Variants in GPC6 observed in about 807,000 individuals in gnomAD.
The protein encoded by GPC6 is glypican 6.
A neutral mutation model predicts 55.2 loss-of-function variants in GPC6; 14 were observed. The observed-to-expected ratio is 0.25, with a 90% CI of 0.17 to 0.40. The LOEUF (loss-of-function observed/expected upper bound fraction) is 0.40, where lower values mean the gene tolerates loss of function less well. Among genes scored for constraint, GPC6 ranks in the 10% least tolerant of loss-of-function variants. GPC6 has a pLI of 1.00. For missense variants in GPC6, 641 were observed against 708.5 expected (o/e 0.90, Z 1.08); for synonymous variants, 278 against 259.6 (o/e 1.07, Z -0.68).
At chr13:93,896,447 T>C (rs549883724) in intron 3 of GPC6, among the ~76,000 whole-genome samples, 3 of 152,062 alleles carry the variant, frequency 2.0e-5, no homozygotes, top group Non-Finnish European at 4.4e-5. Flanking sequence ...TCTGGCTAGT[T>C]TGTAAAATCA....
rs115583699 is a variant in GPC6 at position 94,337,027 on chromosome 13, T to C, written c.1152+30904T>C. ...TAAATGTCTACCACTAGAAAGGAGA[T>C]ACCACAAGGAGGAAAGAATTTTTAC... On this transcript the variant is annotated intron_variant, in intron 6 of 8. Transcript: ENST00000377047. Among the ~76,000 whole-genome samples the C allele has an allele frequency of 5.5e-3, 831 of 152,316 alleles. 16 individuals carry two copies. Among genetic ancestry groups the C allele is most frequent in the African/African-American group, 0.019 (784 of 41,580 alleles).
chr13:93,593,335 A>G (rs940381982), intron 2 of GPC6, among the ~76,000 whole-genome samples: 15 of 152,146 alleles, frequency 9.9e-5, no homozygotes, highest in African/African-American at 3.6e-4. Flanking sequence ...TACACAGCAG[A>G]TATTTGTGGA....
chr13:94,177,611 T>A (rs61964466), intron 4 of GPC6, among the ~76,000 whole-genome samples: 13,203 of 152,214 alleles, frequency 0.087, 712 homozygotes, highest in South Asian at 0.12. Flanking sequence ...ATAATAGGCA[T>A]GGTGATGCCT....
At chr13:93,552,444 TC>T (rs1875210666) in intron 2 of GPC6, among the ~76,000 whole-genome samples, 2 of 100,906 alleles carry the variant, frequency 2.0e-5, no homozygotes, top group African/African-American at 9.7e-5. Flanking sequence ...CCTTCTCTCC[TC>T]CTCCTCCTCC....
At chr13:93,760,143 G>A (rs1294645441) in intron 2 of GPC6, among the ~76,000 whole-genome samples, 4 of 152,062 alleles carry the variant, frequency 2.6e-5, no homozygotes, top group African/African-American at 9.7e-5. Context: ...CTAAGAAATA[G>A]GTGGTACTGT....
intron 4 of GPC6, among the ~76,000 whole-genome samples, chr13:94,028,165 C>T (rs566947592): frequency 2.8e-4 from 42 of 151,758 alleles, no homozygotes; most frequent in African/African-American, 2.7e-4. Flanking sequence ...TTTAGGAGAC[C>T]GAGGTGAGAG....
intron 1 of GPC6, among the ~76,000 whole-genome samples, chr13:93,375,383 A>G (rs941785555): frequency 3.3e-5 from 5 of 152,146 alleles, no homozygotes; most frequent in Non-Finnish European, 7.3e-5. Context: ...GCAGAAGCAG[A>G]ATTTCTTTTA....
chr13:93,572,538 C>G (rs1387456967), intron 2 of GPC6, among the ~76,000 whole-genome samples: 2 of 152,082 alleles, frequency 1.3e-5, no homozygotes, highest in African/African-American at 4.8e-5. Context: ...TGTGACAAGT[C>G]TAATGATTTT....
chr13:94,270,743 A>G (rs141320046), intron 4 of GPC6, among the ~76,000 whole-genome samples: 2 of 152,322 alleles, frequency 1.3e-5, no homozygotes, highest in African/African-American at 2.4e-5. Flanking sequence ...TCTTACTCCA[A>G]TCATATGCAT....
intron 1 of GPC6, among the ~76,000 whole-genome samples, chr13:93,402,865 T>G (rs1876141837): frequency 6.6e-6 from 1 of 152,148 alleles, no homozygotes; most frequent in Admixed American, 6.6e-5. Flanking sequence ...CCTGTTTTTG[T>G]GCCTCCTCAG....
chr13:94,113,815 G>A (rs1886331937), intron 4 of GPC6, among the ~76,000 whole-genome samples: 1 of 151,804 alleles, frequency 6.6e-6, no homozygotes, highest in African/African-American at 2.4e-5. Context: ...GAAGACAGGA[G>A]TTCTTGACCA....
chr13:94,151,332 T>C (rs1490356312), intron 4 of GPC6, among the ~76,000 whole-genome samples: 3 of 152,170 alleles, frequency 2.0e-5, no homozygotes, highest in Non-Finnish European at 4.4e-5. Flanking sequence ...TTATCATAAC[T>C]GGAAAAGATC....
At chr13:93,984,446 T>A (rs1335848720) in intron 3 of GPC6, among the ~76,000 whole-genome samples, 1 of 152,212 alleles carries the variant, frequency 6.6e-6, no homozygotes, top group Non-Finnish European at 1.5e-5. Context: ...AGTAAAATAG[T>A]ATCCCAAAAG....
chr13:93,374,744 T>G (rs1566323918), intron 1 of GPC6, among the ~76,000 whole-genome samples: 1 of 152,246 alleles, frequency 6.6e-6, no homozygotes, highest in South Asian at 2.1e-4. Context: ...CTATGGTAGC[T>G]ATTACTACCT....
intron 5 of GPC6, among the ~76,000 whole-genome samples, chr13:94,299,874 G>A (rs1242887397): frequency 6.6e-6 from 1 of 152,126 alleles, no homozygotes; most frequent in Non-Finnish European, 1.5e-5. Context: ...AGATACGATA[G>A]CTTCTATTTC....
intron 2 of GPC6, among the ~76,000 whole-genome samples, chr13:93,690,069 G>A (rs1221081802): frequency 6.6e-6 from 1 of 152,036 alleles, no homozygotes; most frequent in East Asian, 1.9e-4. Flanking sequence ...TGGTTTTAGG[G>A]GATGTAACTG....
chr13:93,694,301 A>G (rs1404184902), intron 2 of GPC6, among the ~76,000 whole-genome samples: 3 of 152,186 alleles, frequency 2.0e-5, no homozygotes, highest in Admixed American at 1.3e-4. Context: ...GCTTGCCTTC[A>G]TAGATTTGCT....
chr13:93,769,190 A>G (rs1885214522), intron 2 of GPC6, among the ~76,000 whole-genome samples: 1 of 152,098 alleles, frequency 6.6e-6, no homozygotes. Flanking sequence ...TAAATATGGT[A>G]GTCTTTGTTT....
At chr13:93,230,510 TC>T (rs1875969509) in intron 1 of GPC6, among the ~76,000 whole-genome samples, 3 of 152,142 alleles carry the variant, frequency 2.0e-5, no homozygotes, top group African/African-American at 7.2e-5. Context: ...TTGAAAAACT[TC>T]CAAAGGAGTA....
Sources: allele counts gnomAD v4.1 joint callset (sites outside exome capture counted in the v4.1 genomes callset), GRCh38; gene constraint gnomAD v4.1.1; transcripts MANE v1.5; gene names NCBI Gene and HGNC (gene_info 2026-07-23, HGNC 2026-07-21).